The following CNTNAP5 variants were observed in gnomAD, a reference collection of about 807,000 sequenced individuals.
CNTNAP5 encodes contactin-associated protein-like 5.
A neutral mutation model predicts 150.2 loss-of-function variants in CNTNAP5; 72 were observed. The ratio of observed to expected loss-of-function variants is 0.48; its 90% CI spans 0.40 to 0.58. The LOEUF is 0.58. CNTNAP5 is among the 20% of genes least tolerant of loss of function. CNTNAP5 has a pLI of 0.00. For synonymous variants in CNTNAP5, 672 were observed against 619.8 expected (o/e 1.08, Z -1.25); for missense variants, 1,636 against 1,626.2 (o/e 1.01, Z -0.10).
At chr2:124,171,596 AC>A (rs1684932974) in intron 1 of CNTNAP5, among the ~76,000 whole-genome samples, 1 of 151,684 alleles carries the variant, frequency 6.6e-6, no homozygotes, top group South Asian at 2.1e-4. Context: ...TTTAACTCAG[AC>A]TCTTGGCTTT....
Position 124,683,410 on chromosome 2 carries a change from G to T in CNTNAP5, c.2077+35452G>T, listed in dbSNP as rs550308152. ...AACAGTTTTTATTTCAGTTTTTTTT[G>T]GGGAGAAAAGGTGGTATTTGGTTTC... On this transcript the variant is annotated intron_variant, in intron 13 of 23. Coordinates refer to ENST00000682447, the MANE Select transcript of CNTNAP5 (RefSeq NM_001367498.1). Among the ~76,000 whole-genome samples the T allele has an allele frequency of 2.1e-3, 315 of 151,860 alleles. 1 individual carries two copies. The highest frequency in any genetic ancestry group is 7.1e-3 in the African/African-American group (294 of 41,394).
chr2:124,862,374 A>G (rs1677544250), intron 19 of CNTNAP5, among the ~76,000 whole-genome samples: 1 of 152,200 alleles, frequency 6.6e-6, no homozygotes, highest in South Asian at 2.1e-4. Flanking sequence ...AGACTTAGGG[A>G]CAACACCTTC....
intron 10 of CNTNAP5, among the ~76,000 whole-genome samples, chr2:124,531,443 C>T (rs1346125521): frequency 6.6e-6 from 1 of 152,136 alleles, no homozygotes; most frequent in East Asian, 1.9e-4. Flanking sequence ...AAAGAAAAGT[C>T]ACTTTCAATA....
At chr2:124,342,702 A>G (rs1489291290) in intron 3 of CNTNAP5, among the ~76,000 whole-genome samples, 1 of 152,188 alleles carries the variant, frequency 6.6e-6, no homozygotes, top group African/African-American at 2.4e-5. Context: ...AAAAAGGTAA[A>G]TGTTTCAATT....
At chr2:124,736,582 A>G (rs1363855161) in intron 13 of CNTNAP5, among the ~76,000 whole-genome samples, 1 of 152,312 alleles carries the variant, frequency 6.6e-6, no homozygotes, top group East Asian at 1.9e-4. Flanking sequence ...GTCTCATTCT[A>G]TGCCACACTT....
At chr2:124,616,888 A>C (rs966793329) in intron 12 of CNTNAP5, among the ~76,000 whole-genome samples, 1 of 152,132 alleles carries the variant, frequency 6.6e-6, no homozygotes, top group African/African-American at 2.4e-5. Context: ...TGGTCAATTA[A>C]GTTCATTGCC....
chr2:124,375,470 G>A (rs1004277815), intron 3 of CNTNAP5, among the ~76,000 whole-genome samples: 2 of 152,012 alleles, frequency 1.3e-5, no homozygotes, highest in African/African-American at 4.8e-5. Context: ...CAAACTGAGG[G>A]GCATTCTATA....
chr2:124,263,135 C>T (rs1006191328), intron 3 of CNTNAP5, among the ~76,000 whole-genome samples: 1 of 152,074 alleles, frequency 6.6e-6, no homozygotes, highest in African/African-American at 2.4e-5. Context: ...TTTATAACAG[C>T]ATGATTTATA....
At chr2:124,377,795 G>A (rs780060) in intron 3 of CNTNAP5, among the ~76,000 whole-genome samples, 39,151 of 151,230 alleles carry the variant, frequency 0.26, 6,056 homozygotes, top group South Asian at 0.5. Flanking sequence ...AGAGAATGTC[G>A]TACCTAAAAA....
intron 19 of CNTNAP5, among the ~76,000 whole-genome samples, chr2:124,832,860 A>T (rs1345207552): frequency 6.6e-6 from 1 of 151,994 alleles, no homozygotes; most frequent in East Asian, 1.9e-4. Context: ...TATAGTTGCG[A>T]ATTTTTTGAG....
chr2:124,546,706 A>G (rs567138328), intron 10 of CNTNAP5, among the ~76,000 whole-genome samples: 2 of 152,284 alleles, frequency 1.3e-5, no homozygotes, highest in South Asian at 4.1e-4. Flanking sequence ...TTTTCTCTAC[A>G]AAACAAACAC....
At chr2:124,302,106 T>G (rs1278044252) in intron 3 of CNTNAP5, among the ~76,000 whole-genome samples, 1 of 152,190 alleles carries the variant, frequency 6.6e-6, no homozygotes, top group African/African-American at 2.4e-5. Flanking sequence ...GTAGTGAGGC[T>G]GCAACAGAAA....
At chr2:124,364,126 T>C (rs1432158104) in intron 3 of CNTNAP5, among the ~76,000 whole-genome samples, 1 of 152,184 alleles carries the variant, frequency 6.6e-6, no homozygotes, top group Non-Finnish European at 1.5e-5. Flanking sequence ...TACAAAGTTA[T>C]ACAGGATGCA....
At chr2:124,380,327 T>G (rs1690756859) in intron 3 of CNTNAP5, among the ~76,000 whole-genome samples, 1 of 152,172 alleles carries the variant, frequency 6.6e-6, no homozygotes, top group Non-Finnish European at 1.5e-5. Context: ...CTGGGCTAGA[T>G]TCAAAGACAG....
intron 1 of CNTNAP5, among the ~76,000 whole-genome samples, chr2:124,087,278 T>C (rs2104682091): frequency 6.6e-6 from 1 of 152,010 alleles, no homozygotes; most frequent in South Asian, 2.1e-4. Context: ...ACTGTGTTCC[T>C]TCTACCTTCT....
At chr2:124,092,928 T>G (rs527682470) in intron 1 of CNTNAP5, among the ~76,000 whole-genome samples, 1 of 152,340 alleles carries the variant, frequency 6.6e-6, no homozygotes, top group African/African-American at 2.4e-5. Flanking sequence ...TAGCAGTAAG[T>G]ATTGAACTTT....
chr2:124,175,538 A>G (rs1685044176), intron 1 of CNTNAP5, among the ~76,000 whole-genome samples: 1 of 152,158 alleles, frequency 6.6e-6, no homozygotes, highest in African/African-American at 2.4e-5. Context: ...ATATGGTTCC[A>G]TCACCCGGGT....
In CNTNAP5 at chr2:124,763,668, G is replaced by T. The variant is rs1230323772; in HGVS notation, c.2235-4G>T. Reference sequence around the variant, plus strand: ...TCTTTTTTTCTTAAATTTATGTTTTGCAGGACAAATGATACTGGCTTTCTT... The same window carrying T: ...TCTTTTTTTCTTAAATTTATGTTTTTCAGGACAAATGATACTGGCTTTCTT... On this transcript the variant is annotated splice_polypyrimidine_tract_variant and splice_region_variant and intron_variant, in intron 14 of 23. Coordinates refer to ENST00000682447, the MANE Select transcript of CNTNAP5 (RefSeq NM_001367498.1). 9 of 1,610,264 alleles carry T rather than the reference G, an allele frequency of 5.6e-6. No homozygotes were observed. Among genetic ancestry groups the T allele is most frequent in the Admixed American group, 3.4e-5 (2 of 59,474 alleles).
intron 10 of CNTNAP5, among the ~76,000 whole-genome samples, chr2:124,549,725 T>A (rs2104915425): frequency 6.6e-6 from 1 of 152,348 alleles, no homozygotes; most frequent in African/African-American, 2.4e-5. Flanking sequence ...ATAATTGCTT[T>A]TTTTCTTCAA....
Sources: gnomAD v4.1 joint callset for allele counts (sites outside exome capture counted in the v4.1 genomes callset) on GRCh38, gnomAD v4.1.1 for gene constraint, MANE v1.5 for transcripts, NCBI Gene and HGNC (gene_info 2026-07-23, HGNC 2026-07-21) for gene names.